The following TOGARAM2 variants were observed in gnomAD, a reference collection of about 807,000 sequenced individuals.
The protein encoded by TOGARAM2 is TOG array regulator of axonemal microtubules 2, also known as TOG array regulator of axonemal microtubules protein 2.
In TOGARAM2, 85 loss-of-function variants were observed where a neutral mutation model predicts 93.3. That is an observed-to-expected ratio of 0.91 (90% CI 0.76 to 1.09). The LOEUF (loss-of-function observed/expected upper bound fraction) is 1.09. Ranked by LOEUF, TOGARAM2 falls within the 50% of genes least tolerant of loss-of-function variation. The pLI, the probability that TOGARAM2 is intolerant of heterozygous loss-of-function variation, is 0.00. For synonymous variants in TOGARAM2, 593 were observed against 552.8 expected (o/e 1.07, Z -1.02); for missense variants, 1,277 against 1,334.5 (o/e 0.96, Z 0.67).
chr2:28,997,667 G>A, intron 2 of TOGARAM2, among the ~76,000 whole-genome samples: 1 of 152,260 alleles, frequency 6.6e-6, no homozygotes, highest in Non-Finnish European at 1.5e-5. Flanking sequence ...AATTGGCAAG[G>A]TAATTGGATG....
chr2:28,969,197 A>C (rs1464466709), intron 1 of TOGARAM2, among the ~76,000 whole-genome samples: 3 of 152,212 alleles, frequency 2.0e-5, no homozygotes, highest in Non-Finnish European at 2.9e-5. Context: ...GGAGATTTGC[A>C]AGGTTTGCAG....
Position 28,981,351 on chromosome 2 carries a change from G to C in TOGARAM2, c.-298G>C, listed in dbSNP as rs544389045. Reference sequence around the variant, plus strand: ...CTGGAGCACGCCAGCAGTGGAGCTCGTGGCCACCCAGCCCCTGCTCAGACA... The same window carrying C: ...CTGGAGCACGCCAGCAGTGGAGCTCCTGGCCACCCAGCCCCTGCTCAGACA... On this transcript the variant is annotated 5_prime_UTR_variant, in exon 1 of 20. Transcript: ENST00000379558. The C allele has an allele frequency of 0.16, 25,078 of 152,332 alleles. 2,194 individuals carry two copies. The highest frequency in any genetic ancestry group is 0.24 in the South Asian group (1,135 of 4,824). The allele number at this position is 152,332 out of a possible 1,614,324, so 9.4% of individuals were successfully genotyped here.
chr2:29,040,129 A>G (rs1327838007), intron 18 of TOGARAM2, among the ~76,000 whole-genome samples: 1 of 152,206 alleles, frequency 6.6e-6, no homozygotes, highest in African/African-American at 2.4e-5. Flanking sequence ...CTCCTCCAAT[A>G]TACCAACTGC....
chr2:28,998,834 C>T (rs1673129698), intron 3 of TOGARAM2, among the ~76,000 whole-genome samples: 2 of 152,068 alleles, frequency 1.3e-5, no homozygotes, highest in African/African-American at 4.8e-5. Flanking sequence ...GGTCAGTGCT[C>T]GGGGATCTGA....
chr2:29,033,496 T>C lies in TOGARAM2; in HGVS notation c.2158T>C (p.Ser720Pro). The C allele has an allele frequency of 1.2e-6, 2 of 1,613,742 alleles. No individual in the cohort carries two copies. The highest frequency in any genetic ancestry group is 1.7e-6 in the Non-Finnish European group (2 of 1,179,810). The change falls in exon 16 of 20, where the codon TCT becomes CCT. Residue 720 changes from serine (S) to proline (P), a missense_variant. Transcript: ENST00000379558. ...AATAGAAGATAATGATGAACTTCCC[T>C]CTGCCAAAGGCCGCAAGGTGTTGAG... ...QGIEDNDELPSAKGRKVLRSL... is the reference protein window; with the variant it reads ...QGIEDNDELPPAKGRKVLRSL...
upstream of TOGARAM2, among the ~76,000 whole-genome samples, chr2:28,979,931 G>A (rs1192543908): frequency 6.6e-6 from 1 of 152,204 alleles, no homozygotes; most frequent in Non-Finnish European, 1.5e-5. Flanking sequence ...ACCAAAACCT[G>A]CCTTGTCACG....
intron 19 of TOGARAM2, chr2:29,049,684 A>G (rs1666958800): frequency 6.6e-6 from 1 of 152,024 alleles, no homozygotes; most frequent in Non-Finnish European, 1.5e-5. Flanking sequence ...ACTCTTTCCA[A>G]CCAGTGTACC....
chr2:29,024,488 C>G lies in TOGARAM2; in HGVS notation c.1853+114C>G, dbSNP rs375080122. 7.0e-5 allele frequency: 56 copies of G among 797,370 alleles called. No homozygotes were observed. The African/African-American group carries it at 9.3e-4, about 13-fold the overall frequency. The allele number at this position is 797,370 out of a possible 1,614,324, so 49.4% of individuals were successfully genotyped here. ...GGGTGCAGGGAGGGAGGGAGGGAAG[C>G]AGGCAAGTGAGGCTGCAGGGGGTCC... On this transcript the variant is annotated intron_variant, in intron 13 of 19. Coordinates refer to ENST00000379558, the MANE Select transcript of TOGARAM2 (RefSeq NM_199280.4).
intron 1 of TOGARAM2, among the ~76,000 whole-genome samples, chr2:28,970,698 C>T (rs1436092866): frequency 6.6e-6 from 1 of 152,200 alleles, no homozygotes; most frequent in African/African-American, 2.4e-5. Context: ...GAGCAACGCA[C>T]CCACCTGCGC....
At chr2:28,980,710 C>T (rs56398396), upstream of TOGARAM2, among the ~76,000 whole-genome samples, 33,509 of 152,098 alleles carry the variant, frequency 0.22, 4,450 homozygotes, top group African/African-American at 0.37. Flanking sequence ...CTGGTTGGGA[C>T]GAAGGCCACA....
rs1181988924 is a variant in TOGARAM2 at position 28,994,917 on chromosome 2, C to G, written c.28+55C>G. The G allele has an allele frequency of 2.6e-6, 4 of 1,544,718 alleles. No individual in the cohort carries two copies. The African/African-American group carries it at 5.5e-5, about 21-fold the overall frequency. On this transcript the variant is annotated intron_variant, in intron 2 of 19. Transcript: ENST00000379558. ...GGTGTTTTCCAGGCTAGGGGACCTG[C>G]CTCGGACACTCCCAAGGGCCAGAAA...
intron 18 of TOGARAM2, among the ~76,000 whole-genome samples, chr2:29,038,403 G>T (rs1054049749): frequency 2.0e-5 from 3 of 152,174 alleles, no homozygotes; most frequent in African/African-American, 7.2e-5. Flanking sequence ...TCAAAGGGAT[G>T]AATGGAGTCC....
upstream of TOGARAM2, among the ~76,000 whole-genome samples, chr2:28,981,049 A>G (rs1672163162): frequency 6.6e-6 from 1 of 152,208 alleles, no homozygotes; most frequent in African/African-American, 2.4e-5. Context: ...CAAAACCAGG[A>G]GTTCTACCAA....
intron 18 of TOGARAM2, among the ~76,000 whole-genome samples, chr2:29,038,752 C>G (rs1558464794): frequency 6.6e-6 from 1 of 152,128 alleles, no homozygotes; most frequent in East Asian, 1.9e-4. Flanking sequence ...GCCAAATATG[C>G]TGTTTTGGAT....
intron 1 of TOGARAM2, 71 bp from the exon 2 acceptor site, chr2:28,994,654 G>A (rs890889785): frequency 7.1e-6 from 4 of 560,338 alleles, no homozygotes; most frequent in Non-Finnish European, 6.4e-6. Flanking sequence ...GCCCCTGAAG[G>A]GCTTTTTGTG....
chr2:29,045,411 G>T lies in TOGARAM2; in HGVS notation c.2722+1G>T, dbSNP rs780365276. 6.2e-7 allele frequency: 1 copy of T among 1,612,800 alleles called. No individual in the cohort carries two copies. The highest frequency in any genetic ancestry group is 8.5e-7 in the Non-Finnish European group (1 of 1,179,824). On this transcript the variant is annotated splice_donor_variant, in intron 19 of 19. Coordinates refer to ENST00000379558, the MANE Select transcript of TOGARAM2 (RefSeq NM_199280.4). LOFTEE classifies it high-confidence loss of function. Reference sequence around the variant, plus strand: ...CTGGATGTCACAGATCGCCTGGCAGGTGAGCACCCCCAGCCCCACCCCACC... The same window carrying T: ...CTGGATGTCACAGATCGCCTGGCAGTTGAGCACCCCCAGCCCCACCCCACC...
chr2:28,989,521 C>T (rs550027476), intron 1 of TOGARAM2, among the ~76,000 whole-genome samples: 4 of 152,294 alleles, frequency 2.6e-5, no homozygotes, highest in Non-Finnish European at 4.4e-5. Flanking sequence ...CCTCAGCACC[C>T]CCAAGTAACT....
Position 28,985,809 on chromosome 2 carries a change from A to T in TOGARAM2, c.-111+4271A>T, listed in dbSNP as rs567730516. On this transcript the variant is annotated intron_variant, in intron 1 of 19. Transcript: ENST00000379558. Reference sequence around the variant, plus strand: ...AGTCATCGTCTAAAACAACATTGCCAGGACTTTGGAGAAGATGTAGTGTGA... The same window carrying T: ...AGTCATCGTCTAAAACAACATTGCCTGGACTTTGGAGAAGATGTAGTGTGA... Among the ~76,000 whole-genome samples the T allele has an allele frequency of 2.0e-5, 3 of 152,246 alleles. No individual in the cohort carries two copies. The South Asian group carries it at 6.2e-4, about 32-fold the overall frequency.
In TOGARAM2 at chr2:29,024,198, C is replaced by T. The variant is rs552444256; in HGVS notation, c.1677C>T (p.Phe559=). 23 of 1,604,962 alleles carry T rather than the reference C, an allele frequency of 1.4e-5. No homozygotes were observed. The highest frequency in any genetic ancestry group is 6.7e-5 in the South Asian group (6 of 89,168). ...HLAISTLGDL[F]QALKKNMDQE... ...CCATCAGCACCTTGGGAGACCTCTTCCAGGCCTTGAAGAAGAATATGGACC... is the reference window on the plus strand; with the variant it reads ...CCATCAGCACCTTGGGAGACCTCTTTCAGGCCTTGAAGAAGAATATGGACC... The change falls in exon 13 of 20, where the codon TTC becomes TTT. Residue 559 remains phenylalanine, a synonymous_variant. Coordinates refer to ENST00000379558, the MANE Select transcript of TOGARAM2 (RefSeq NM_199280.4).
Sources: gnomAD v4.1 joint callset for allele counts (sites outside exome capture counted in the v4.1 genomes callset) on GRCh38, gnomAD v4.1.1 for gene constraint, MANE v1.5 for transcripts, NCBI Gene and HGNC (gene_info 2026-07-23, HGNC 2026-07-21) for gene names.